The following GRM5 variants were observed in gnomAD, a reference collection of about 807,000 sequenced individuals.
GRM5 encodes the protein glutamate metabotropic receptor 5, also known as metabotropic glutamate receptor 5.
GRM5 carries 19 observed loss-of-function variants against 83.1 expected under a neutral mutation model. The observed-to-expected ratio is 0.23, with a 90% CI of 0.16 to 0.34. The LOEUF (loss-of-function observed/expected upper bound fraction) is 0.34. Ranked by LOEUF, GRM5 falls within the 10% of genes least tolerant of loss-of-function variation. The pLI is 1.00. For missense variants in GRM5, 1,160 were observed against 1,588.3 expected (o/e 0.73, Z 4.58); for synonymous variants, 675 against 633.6 (o/e 1.07, Z -0.98).
intron 4 of GRM5, among the ~76,000 whole-genome samples, chr11:88,623,150 A>G (rs1278858921): frequency 2.0e-5 from 3 of 152,154 alleles, no homozygotes; most frequent in Admixed American, 6.5e-5. Flanking sequence ...CAATGGCACA[A>G]TCTCAGCTTA....
At chr11:88,624,009 G>A (rs1244862903) in intron 4 of GRM5, among the ~76,000 whole-genome samples, 1 of 152,144 alleles carries the variant, frequency 6.6e-6, no homozygotes, top group African/African-American at 2.4e-5. Flanking sequence ...ACAGTCAACT[G>A]GATACATATT....
intron 4 of GRM5, among the ~76,000 whole-genome samples, chr11:88,639,096 C>A (rs1481048367): frequency 6.6e-6 from 1 of 152,038 alleles, no homozygotes; most frequent in Admixed American, 6.6e-5. Flanking sequence ...ATATTTAATG[C>A]TAGAATATGT....
At chr11:88,849,392 TG>T in intron 3 of GRM5, among the ~76,000 whole-genome samples, 1 of 152,302 alleles carries the variant, frequency 6.6e-6, no homozygotes, top group Non-Finnish European at 1.5e-5. Context: ...GCTGGTATTT[TG>T]GTATCTTGTC....
At chr11:88,661,652 C>G (rs980907968) in intron 3 of GRM5, among the ~76,000 whole-genome samples, 3 of 152,006 alleles carry the variant, frequency 2.0e-5, no homozygotes, top group Admixed American at 2.0e-4. Context: ...CCGTGCACCC[C>G]AGGAGGAGTA....
At chr11:88,764,168 A>G (rs1185062342) in intron 3 of GRM5, among the ~76,000 whole-genome samples, 1 of 151,752 alleles carries the variant, frequency 6.6e-6, no homozygotes, top group Non-Finnish European at 1.5e-5. Context: ...CAACAAGAAG[A>G]TATAAACATC....
Position 88,590,616 on chromosome 11 carries a change from T to C in GRM5, c.1675A>G (p.Thr559Ala). ...CKACQLGSWP[T>A]DDLTGCDLIP... ...GATAGATTACCTGTGAGATCATCAG[T>C]GGGCCAAGACCCCAGTTGGCATGCC... is the stretch of plus-strand genomic sequence containing the variant. The change falls in exon 7 of 10, where the codon ACT (threonine) becomes GCT (alanine). Residue 559 changes from threonine (T) to alanine (A), a missense_variant. Physicochemically the swap from Thr to Ala is moderately conservative, Grantham distance 58. Around this residue, in one of 9 missense-constraint regions of GRM5, gnomAD observed 132 missense variants for 245.5 expected, o/e 0.54. Transcript: ENST00000305447. 1.2e-6 allele frequency: 2 copies of C among 1,611,670 alleles called. No individual in the cohort carries two copies. The highest frequency in any genetic ancestry group is 2.2e-5 in the East Asian group (1 of 44,844).
At chr11:88,628,883 G>A (rs1938880278) in intron 4 of GRM5, among the ~76,000 whole-genome samples, 1 of 152,044 alleles carries the variant, frequency 6.6e-6, no homozygotes, top group Non-Finnish European at 1.5e-5. Context: ...TGCCATCTTT[G>A]GATCCCTTTT....
At chr11:88,616,836 A>G (rs1257923523) in intron 4 of GRM5, among the ~76,000 whole-genome samples, 1 of 152,178 alleles carries the variant, frequency 6.6e-6, no homozygotes, top group Non-Finnish European at 1.5e-5. Flanking sequence ...TCTAAGGCTC[A>G]GTTTTGCTGT....
At chr11:88,748,047 A>T (rs1381985455) in intron 3 of GRM5, among the ~76,000 whole-genome samples, 1 of 152,186 alleles carries the variant, frequency 6.6e-6, no homozygotes, top group Non-Finnish European at 1.5e-5. Context: ...CAGAGAGCCA[A>T]AGGAACCCCC....
chr11:88,931,625 A>G (rs921301310), intron 2 of GRM5, among the ~76,000 whole-genome samples: 3 of 152,220 alleles, frequency 2.0e-5, no homozygotes, highest in East Asian at 3.9e-4. Flanking sequence ...CTAGCCCCAC[A>G]CAGGGCTCTA....
intron 2 of GRM5, among the ~76,000 whole-genome samples, chr11:88,983,494 T>C (rs1396551785): frequency 1.3e-5 from 2 of 152,204 alleles, no homozygotes; most frequent in African/African-American, 4.8e-5. Flanking sequence ...AATGTCATAG[T>C]GCACCTCATC....
Position 88,506,567 on chromosome 11 carries a change from T to C in GRM5, c.*2025A>G, listed in dbSNP as rs1209874780. ...TTCACTTACATTTTAAAAGCCTCGGTGTAATATTTGGGATCAGGGTGCTGT... is the reference window on the plus strand; with the variant it reads ...TTCACTTACATTTTAAAAGCCTCGGCGTAATATTTGGGATCAGGGTGCTGT... On this transcript the variant is annotated 3_prime_UTR_variant, in exon 10 of 10. Coordinates refer to ENST00000305447, the MANE Select transcript of GRM5 (RefSeq NM_001143831.3). 2 of 152,164 alleles carry C rather than the reference T, an allele frequency of 1.3e-5. No homozygotes were observed. Among genetic ancestry groups the C allele is most frequent in the East Asian group, 3.8e-4 (2 of 5,202 alleles). The allele number at this position is 152,164 out of a possible 1,614,324, so 9.4% of individuals were successfully genotyped here.
intron 8 of GRM5, among the ~76,000 whole-genome samples, chr11:88,552,841 T>G (rs1942542520): frequency 6.6e-6 from 1 of 152,128 alleles, no homozygotes; most frequent in African/African-American, 2.4e-5. Flanking sequence ...GGAGATACAG[T>G]CACAGAGCAG....
At chr11:88,860,252 A>T (rs1321517554) in intron 2 of GRM5, among the ~76,000 whole-genome samples, 2 of 152,176 alleles carry the variant, frequency 1.3e-5, no homozygotes, top group Non-Finnish European at 2.9e-5. Context: ...GAAAATAAAA[A>T]CTTGAGACAG....
intron 3 of GRM5, among the ~76,000 whole-genome samples, chr11:88,747,705 G>GA (rs34525662): frequency 0.56 from 80,624 of 144,156 alleles, 23,306 homozygotes; most frequent in South Asian, 0.82. Flanking sequence ...GGCTATCCAG[G>GA]AAAAAAAAAA....
Position 88,509,181 on chromosome 11 carries a change from C to G in GRM5, c.3050G>C (p.Arg1017Pro). ...EEHFPAPARP[R>P]SPSPISTLSH... is the part of the protein sequence containing the mutation. ...CAGCGTGCTGATGGGCGACGGTGAG[C>G]GCGGCCGCGCGGGCGCCGGGAAGTG... The change falls in exon 10 of 10, where the codon CGC becomes CCC. Residue 1017 changes from arginine to proline, a missense_variant. Coordinates refer to ENST00000305447, the MANE Select transcript of GRM5 (RefSeq NM_001143831.3). 2.0e-6 allele frequency: 3 copies of G among 1,534,124 alleles called. No individual in the cohort carries two copies. The highest frequency in any genetic ancestry group is 2.6e-6 in the Non-Finnish European group (3 of 1,142,966).
chr11:89,065,411 T>C (rs1942081412), intron 1 of GRM5, among the ~76,000 whole-genome samples: 1 of 150,486 alleles, frequency 6.6e-6, no homozygotes, highest in African/African-American at 2.5e-5. Flanking sequence ...TTTTTTTTTT[T>C]AGTTCGTTTT....
intron 3 of GRM5, among the ~76,000 whole-genome samples, chr11:88,725,525 T>C (rs1177425178): frequency 6.6e-6 from 1 of 152,162 alleles, no homozygotes; most frequent in Non-Finnish European, 1.5e-5. Flanking sequence ...ATCACAGCAC[T>C]CAAGCTCTGC....
chr11:88,728,787 CAATAG>C (rs1207629254), intron 3 of GRM5, among the ~76,000 whole-genome samples: 1 of 152,092 alleles, frequency 6.6e-6, no homozygotes, highest in Non-Finnish European at 1.5e-5. Context: ...ATGATTATGT[CAATAG>C]ATGCAGAAAA....
Sources: gnomAD v4.1 joint callset for allele counts (sites outside exome capture counted in the v4.1 genomes callset) on GRCh38, gnomAD v4.1.1 for gene constraint, gnomAD v4.1.1 regional missense constraint, MANE v1.5 for transcripts, NCBI Gene and HGNC (gene_info 2026-07-23, HGNC 2026-07-21) for gene names.